AZIN2: variants seen among roughly 807,000 people sequenced by gnomAD.
The protein encoded by AZIN2 is antizyme inhibitor 2.
AZIN2 carries 28 observed loss-of-function variants against 47.8 expected under a neutral mutation model. The ratio of observed to expected loss-of-function variants is 0.59; its 90% confidence interval spans 0.43 to 0.80. The LOEUF (loss-of-function observed/expected upper bound fraction) is 0.80. Among genes scored for constraint, AZIN2 ranks in the 30% least tolerant of loss-of-function variants. AZIN2 has a pLI of 0.00. For missense variants in AZIN2, 535 were observed against 582.5 expected, an observed-to-expected ratio of 0.92 and a Z score of 0.84; for synonymous variants, 221 against 239.4, an observed-to-expected ratio of 0.92 and a Z score of 0.71.
At chr1:33,083,383 A>C (rs749548725) in intron 4 of AZIN2, 28 of 172,828 alleles carry the variant, frequency 1.6e-4, no homozygotes, top group Non-Finnish European at 2.5e-4. Flanking sequence ...ATCTACAATG[A>C]ACAGTTGTCC....
At position 33,120,192 on chromosome 1, in the gene AZIN2, G is replaced by GT; in HGVS notation, c.*12dup. 1.3e-6 allele frequency: 2 copies of GT among 1,595,904 alleles called. No homozygotes were observed. Among genetic ancestry groups the GT allele is most frequent in the Non-Finnish European group, 1.7e-6 (2 of 1,166,686 alleles). ...AGCGAGCATCATGTGAGTGGGCCTC[G>GT]TTCCCCCCGGAGAATCCCAGCGGGG... is the stretch of plus-strand genomic sequence containing the variant. On this transcript the variant is annotated 3_prime_UTR_variant, in exon 12 of 12. Transcript: ENST00000294517.
At position 33,113,176 on chromosome 1, in the gene AZIN2, A is replaced by G. The variant is rs545306; in HGVS notation, c.1030-4726A>G. Among the ~76,000 whole-genome samples the G allele has an allele frequency of 0.31, 47,420 of 151,914 alleles. 7,729 individuals carry two copies. The highest frequency in any genetic ancestry group is 0.4 in the African/African-American group (16,572 of 41,396). The stretch of plus-strand genomic sequence containing the variant: ...GTAGAGATGGGGTTTCACCGTGTTA[A>G]CCAGGATGGTCTCGACCTCCTGACC... On this transcript the variant is annotated intron_variant, in intron 10 of 11. Coordinates refer to ENST00000294517, the MANE Select transcript of AZIN2 (RefSeq NM_052998.4). The surrounding 1 kb of genome is among the most constrained non-coding windows in gnomAD (Gnocchi z 4.1).
chr1:33,107,535 G>A (rs1362822831), intron 10 of AZIN2, among the ~76,000 whole-genome samples: 1 of 150,332 alleles, frequency 6.7e-6, no homozygotes, highest in Non-Finnish European at 1.5e-5. Context: ...AACTGAGATG[G>A]CGCCACTGCA....
downstream of AZIN2, among the ~76,000 whole-genome samples, chr1:33,127,604 G>C (rs1644866449): frequency 6.6e-6 from 1 of 152,196 alleles, no homozygotes. Flanking sequence ...ACCGGAAGTG[G>C]GCTTATTTGC....
intron 5 of AZIN2, among the ~76,000 whole-genome samples, chr1:33,086,791 GCAGCACATCCTCTTC>G (rs1350136528): frequency 1.3e-5 from 2 of 152,168 alleles, no homozygotes; most frequent in African/African-American, 4.8e-5. Context: ...CCTTTGCTGG[GCAGCACATCCTCTTC>G]CAGCCCAATC....
the AZIN2 span, among the ~76,000 whole-genome samples, chr1:33,152,962 T>C: frequency 1.6e-5 from 2 of 125,996 alleles, no homozygotes; most frequent in Non-Finnish European, 3.2e-5. Context: ...GCCTGGGAGT[T>C]GGGGGATTTA....
At chr1:33,140,212 AC>A in the AZIN2 span, among the ~76,000 whole-genome samples, 1 of 152,200 alleles carries the variant, frequency 6.6e-6, no homozygotes, top group Non-Finnish European at 1.5e-5. The surrounding 1 kb of genome is among the most constrained non-coding windows in gnomAD (Gnocchi z 4.0). Context: ...AGGGATGCTT[AC>A]GGTGGCGATG....
At chr1:33,126,480 G>C (rs976851068), downstream of AZIN2, among the ~76,000 whole-genome samples, 2 of 152,230 alleles carry the variant, frequency 1.3e-5, no homozygotes, top group Non-Finnish European at 2.9e-5. Flanking sequence ...GCTTACCACA[G>C]AGTAGACACT....
At chr1:33,092,688 T>C (rs1642696694) in intron 6 of AZIN2, among the ~76,000 whole-genome samples, 1 of 152,130 alleles carries the variant, frequency 6.6e-6, no homozygotes, top group Non-Finnish European at 1.5e-5. Flanking sequence ...GCATGGGACA[T>C]TCAAGCGTAA....
the AZIN2 span, among the ~76,000 whole-genome samples, chr1:33,155,117 G>A: frequency 6.8e-6 from 1 of 146,132 alleles, no homozygotes; most frequent in Non-Finnish European, 1.5e-5. Context: ...TGTCGCCCAG[G>A]CTGTAGTGCA....
At position 33,081,233 on chromosome 1, in the gene AZIN2, C is replaced by G. The variant is rs1159307944; in HGVS notation, c.-467C>G. Reference sequence around the variant, plus strand: ...CGGGGAAGCGAGAGAGCGGAGGCGCCGAGGATCCGATTCACTCCCTGGGGA... The same window carrying G: ...CGGGGAAGCGAGAGAGCGGAGGCGCGGAGGATCCGATTCACTCCCTGGGGA... On this transcript the variant is annotated 5_prime_UTR_variant, in exon 1 of 12. Transcript: ENST00000294517. The surrounding 1 kb of genome is among the most constrained non-coding windows in gnomAD (Gnocchi z 4.2). 2 of 153,412 alleles carry G rather than the reference C, an allele frequency of 1.3e-5. No homozygotes were observed. The highest frequency in any genetic ancestry group is 1.9e-4 in the East Asian group (1 of 5,206). The allele number at this position is 153,412 out of a possible 1,614,324, so 9.5% of individuals were successfully genotyped here. A position where few individuals can be genotyped will look rare whatever the true frequency, so the allele number is the denominator to read the frequency against.
At position 33,097,253 on chromosome 1, in the gene AZIN2, C is replaced by T. The variant is rs777067810; in HGVS notation, c.916+384C>T. Among the ~76,000 whole-genome samples, 94 of 152,204 alleles carry T rather than the reference C, an allele frequency of 6.2e-4. 1 individual carries two copies. Among genetic ancestry groups the T allele is most frequent in the Non-Finnish European group, 2.5e-4 (17 of 68,036 alleles). On this transcript the variant is annotated intron_variant, in intron 9 of 11. Transcript: ENST00000294517. ...AAAATACAGGCTCCTACTCACCCTA[C>T]TGCTTCTCATAATATAATGAAAATA...
intron 5 of AZIN2, among the ~76,000 whole-genome samples, chr1:33,090,089 A>T (rs920417698): frequency 6.6e-6 from 1 of 152,222 alleles, no homozygotes; most frequent in African/African-American, 2.4e-5. Context: ...TACGGATGGA[A>T]GGCCAAATCC....
At chr1:33,123,984 A>G (rs1232645536), downstream of AZIN2, among the ~76,000 whole-genome samples, 3 of 151,832 alleles carry the variant, frequency 2.0e-5, no homozygotes, top group Non-Finnish European at 4.4e-5. Flanking sequence ...TGACAGTGTG[A>G]GACTCCATCT....
At chr1:33,104,374 A>T (rs1415884604) in intron 10 of AZIN2, among the ~76,000 whole-genome samples, 1 of 152,168 alleles carries the variant, frequency 6.6e-6, no homozygotes, top group Non-Finnish European at 1.5e-5. Flanking sequence ...GATGTTTGAT[A>T]CAAATATTTT....
the AZIN2 span, among the ~76,000 whole-genome samples, chr1:33,149,145 C>T: frequency 6.6e-6 from 1 of 152,092 alleles, no homozygotes; most frequent in Admixed American, 6.6e-5. Context: ...TTCCTTTTGC[C>T]TCTTCTTTTT....
At chr1:33,164,697 A>G in the AZIN2 span, 1 of 152,252 alleles carries the variant, frequency 6.6e-6, no homozygotes, top group Non-Finnish European at 1.5e-5. Context: ...GGGAGATGAT[A>G]CCAGGGCTGG....
At chr1:33,117,442 G>A (rs987283191) in intron 10 of AZIN2, among the ~76,000 whole-genome samples, 5 of 152,204 alleles carry the variant, frequency 3.3e-5, no homozygotes, top group Non-Finnish European at 5.9e-5. Context: ...TCTGGAAAGA[G>A]GCCAGTGAAG....
intron 5 of AZIN2, among the ~76,000 whole-genome samples, 176 bp downstream of exon 5, chr1:33,084,303 G>C (rs1641628016): frequency 6.6e-6 from 1 of 152,210 alleles, no homozygotes; most frequent in South Asian, 2.1e-4. Context: ...AACGAGCATG[G>C]AATTTGTCAG....
Sources: allele counts gnomAD v4.1 joint callset (sites outside exome capture counted in the v4.1 genomes callset), GRCh38; gene constraint gnomAD v4.1.1; non-coding constraint Gnocchi (gnomAD v3.1); transcripts MANE v1.5; gene names NCBI Gene and HGNC (gene_info 2026-07-23, HGNC 2026-07-21).